Variants in TMEM132D observed in about 807,000 individuals in gnomAD.
TMEM132D encodes the protein transmembrane protein 132D, also known as mature OL transmembrane protein.
Under a neutral mutation model 62.3 loss-of-function variants are expected in TMEM132D, and 21 were observed. That is an observed-to-expected ratio of 0.34 (90% CI 0.24 to 0.49). The LOEUF (loss-of-function observed/expected upper bound fraction) is 0.49, where lower values mean the gene tolerates loss of function less well. Ranked by LOEUF, TMEM132D falls within the 20% of genes least tolerant of loss-of-function variation. The pLI is 0.99. For synonymous variants in TMEM132D, 621 were observed against 575.6 expected (o/e 1.08, Z -1.13); for missense variants, 1,346 against 1,402.8 (o/e 0.96, Z 0.65).
At chr12:129,309,784 A>G (rs1881928775) in intron 4 of TMEM132D, among the ~76,000 whole-genome samples, 1 of 152,170 alleles carries the variant, frequency 6.6e-6, no homozygotes, top group East Asian at 1.9e-4. Context: ...TTGAAGTTGA[A>G]TAAGTGTGGG....
chr12:129,217,793 C>T (rs558228502), intron 4 of TMEM132D, among the ~76,000 whole-genome samples: 23 of 152,270 alleles, frequency 1.5e-4, no homozygotes, highest in African/African-American at 5.1e-4. Context: ...ACAGGATTTG[C>T]GTTACATATT....
At chr12:129,248,653 AC>A (rs1436985270) in intron 4 of TMEM132D, among the ~76,000 whole-genome samples, 1 of 152,024 alleles carries the variant, frequency 6.6e-6, no homozygotes, top group Non-Finnish European at 1.5e-5. Flanking sequence ...TTATTTCATC[AC>A]CCAGGTATTA....
intron 1 of TMEM132D, among the ~76,000 whole-genome samples, chr12:129,839,524 A>G (rs920766532): frequency 6.6e-6 from 1 of 152,016 alleles, no homozygotes; most frequent in Non-Finnish European, 1.5e-5. Flanking sequence ...CAGCCTCCCA[A>G]AGTGCTGGGA....
intron 5 of TMEM132D, among the ~76,000 whole-genome samples, chr12:129,092,673 G>A (rs1479681002): frequency 2.0e-5 from 3 of 152,130 alleles, no homozygotes; most frequent in Admixed American, 6.5e-5. Context: ...TCCAGCCTGG[G>A]CAACAAGAGC....
intron 3 of TMEM132D, among the ~76,000 whole-genome samples, chr12:129,350,095 C>T (rs1299878349): frequency 2.0e-5 from 3 of 152,156 alleles, no homozygotes. Context: ...TGCACCTCAG[C>T]CCTTTTGAAA....
At chr12:129,620,813 G>A (rs1177961556) in intron 2 of TMEM132D, among the ~76,000 whole-genome samples, 1 of 152,074 alleles carries the variant, frequency 6.6e-6, no homozygotes. Context: ...ACACACTGGG[G>A]CCCTCTTGGG....
chr12:129,616,813 C>A (rs562960637), intron 2 of TMEM132D, among the ~76,000 whole-genome samples: 1 of 152,248 alleles, frequency 6.6e-6, no homozygotes, highest in East Asian at 1.9e-4. Context: ...TCATTAGCAG[C>A]GTGAGAATGG....
At position 129,743,927 on chromosome 12, in the gene TMEM132D, A is replaced by T. The variant is rs557893871; in HGVS notation, c.80-43229T>A. Among the ~76,000 whole-genome samples the T allele has an allele frequency of 8.5e-5, 13 of 152,340 alleles. No individual in the cohort carries two copies. In the East Asian group the frequency reaches 2.1e-3, roughly 25 times the overall value. On this transcript the variant is annotated intron_variant, in intron 1 of 8. Coordinates refer to ENST00000422113, the MANE Select transcript of TMEM132D (RefSeq NM_133448.3). ...ACAGCTCTGCCTATACTTCCACTTT[A>T]GCTCAGTGAGATGTCAGAGACAAAA...
intron 3 of TMEM132D, among the ~76,000 whole-genome samples, chr12:129,461,277 AC>A (rs1873659338): frequency 6.6e-6 from 1 of 152,132 alleles, no homozygotes; most frequent in African/African-American, 2.4e-5. Flanking sequence ...CAGGAGAAGG[AC>A]CCAGAAAGGG....
intron 2 of TMEM132D, among the ~76,000 whole-genome samples, chr12:129,652,457 A>G (rs1879955182): frequency 1.3e-5 from 2 of 152,244 alleles, no homozygotes; most frequent in Non-Finnish European, 2.9e-5. Flanking sequence ...GTTGCTAATC[A>G]GCTGACCTCA....
At chr12:129,677,456 G>C (rs1055795972) in intron 2 of TMEM132D, among the ~76,000 whole-genome samples, 2 of 152,184 alleles carry the variant, frequency 1.3e-5, no homozygotes, top group African/African-American at 4.8e-5. Context: ...AACTTTATCA[G>C]TGGCATGAGA....
intron 2 of TMEM132D, among the ~76,000 whole-genome samples, chr12:129,532,240 G>C (rs1192077796): frequency 1.3e-5 from 2 of 152,210 alleles, no homozygotes; most frequent in Non-Finnish European, 2.9e-5. Context: ...GGAGCACGCT[G>C]ATGGTACCTG....
chr12:129,310,903 A>T (rs1881956734), intron 4 of TMEM132D, among the ~76,000 whole-genome samples: 1 of 152,184 alleles, frequency 6.6e-6, no homozygotes, highest in African/African-American at 2.4e-5. Flanking sequence ...TGAACATGCG[A>T]GGAACTGGAG....
At chr12:129,342,561 C>T (rs1433044509) in intron 3 of TMEM132D, among the ~76,000 whole-genome samples, 1 of 152,072 alleles carries the variant, frequency 6.6e-6, no homozygotes, top group Non-Finnish European at 1.5e-5. Context: ...CAACAGAAGC[C>T]AAAATTGACA....
chr12:129,426,424 C>G (rs1372164891), intron 3 of TMEM132D, among the ~76,000 whole-genome samples: 1 of 151,310 alleles, frequency 6.6e-6, no homozygotes, highest in Non-Finnish European at 1.5e-5. Context: ...TTCTCCTGCA[C>G]ACATTCAGGA....
chr12:129,249,117 G>A (rs535165619), intron 4 of TMEM132D, among the ~76,000 whole-genome samples: 1 of 152,132 alleles, frequency 6.6e-6, no homozygotes, highest in Admixed American at 6.5e-5. Flanking sequence ...AAGATCCCGG[G>A]ATATTGTATA....
At chr12:129,848,365 A>G (rs1171199954) in intron 1 of TMEM132D, among the ~76,000 whole-genome samples, 1 of 152,188 alleles carries the variant, frequency 6.6e-6, no homozygotes, top group African/African-American at 2.4e-5. Flanking sequence ...CAGAAGTGAC[A>G]ATTTTTCTTC....
intron 2 of TMEM132D, among the ~76,000 whole-genome samples, chr12:129,666,015 G>C (rs1254392190): frequency 7.9e-5 from 12 of 152,082 alleles, no homozygotes; most frequent in Non-Finnish European, 1.8e-4. Context: ...CCACCTAAAT[G>C]GGCCGATGGG....
At chr12:129,798,295 C>T (rs953073435) in intron 1 of TMEM132D, among the ~76,000 whole-genome samples, 10 of 152,168 alleles carry the variant, frequency 6.6e-5, no homozygotes, top group African/African-American at 1.4e-4. Context: ...TAAAGAAAAA[C>T]GGAGTCAGAT....
Sources: allele counts gnomAD v4.1 joint callset (sites outside exome capture counted in the v4.1 genomes callset), GRCh38; gene constraint gnomAD v4.1.1; transcripts MANE v1.5; gene names NCBI Gene and HGNC (gene_info 2026-07-23, HGNC 2026-07-21).